Variants in ACACB observed in about 807,000 individuals in gnomAD.
ACACB encodes the protein acetyl-CoA carboxylase 2.
ACACB carries 209 observed loss-of-function variants against 278.8 expected under a neutral mutation model. The observed-to-expected ratio is 0.75, with a 90% confidence interval of 0.67 to 0.84. The LOEUF (loss-of-function observed/expected upper bound fraction) is 0.84. Among genes scored for constraint, ACACB ranks in the 40% least tolerant of loss-of-function variants. The probability of loss-of-function intolerance (pLI) is 0.00; values close to 1 mark genes in which losing one functional copy is unlikely to be tolerated. For synonymous variants in ACACB, 1,174 were observed against 1,285.6 expected (o/e 0.91, Z 1.86); for missense variants, 2,850 against 3,269.0 (o/e 0.87, Z 3.13).
intron 4 of ACACB, among the ~76,000 whole-genome samples, chr12:109,170,296 T>A (rs2044068201): frequency 6.6e-6 from 1 of 152,058 alleles, no homozygotes; most frequent in Non-Finnish European, 1.5e-5. Context: ...AACTCCTGAC[T>A]TCAGGTGATC....
chr12:109,166,981 G>T lies in ACACB; in HGVS notation c.774G>T (p.Arg258=). Residue 258 remains arginine (R), a synonymous_variant, in exon 3 of 53, where the codon CGG becomes CGT. Coordinates refer to ENST00000338432, the MANE Select transcript of ACACB (RefSeq NM_001093.4). ...AEFVTRFGGD[R]VIEKVLIANN... ...TTGTCACACGCTTTGGGGGGGATCG[G>T]GTCATCGAGAAGGTACAGATGGGTC... 6.2e-7 allele frequency: 1 copy of T among 1,614,040 alleles called. No individual in the cohort carries two copies. Among genetic ancestry groups the T allele is most frequent in the Non-Finnish European group, 8.5e-7 (1 of 1,180,008 alleles).
chr12:109,209,080 T>A (rs2045602870), intron 20 of ACACB, 85 bp from the exon 21 acceptor site: 1 of 1,436,034 alleles, frequency 7.0e-7, no homozygotes, highest in Non-Finnish European at 9.4e-7. Flanking sequence ...TCAGGATGGG[T>A]TGAGCTGTGT....
intron 37 of ACACB, among the ~76,000 whole-genome samples, chr12:109,243,877 T>TTATATA (rs145125502): frequency 6.8e-6 from 1 of 146,910 alleles, no homozygotes; most frequent in Non-Finnish European, 1.5e-5. Flanking sequence ...TGGAATGACA[T>TTATATA]TATATATATA....
intron 18 of ACACB, 46 bp downstream of exon 18, chr12:109,199,598 C>T (rs750995911): frequency 7.3e-7 from 1 of 1,378,298 alleles, no homozygotes; most frequent in Non-Finnish European, 9.5e-7. Context: ...CTCAAACTCC[C>T]ACTCTTCTGG....
intron 42 of ACACB, 199 bp downstream of exon 42, chr12:109,252,355 G>T (rs530948410): frequency 2.3e-6 from 1 of 444,158 alleles, no homozygotes; most frequent in Admixed American, 3.9e-5. Context: ...AATTCTGGTC[G>T]ATCTAACTCC....
At chr12:109,222,372 A>G (rs2046194675) in intron 24 of ACACB, 135 bp from the exon 25 acceptor site, 1 of 718,908 alleles carries the variant, frequency 1.4e-6, no homozygotes, top group Non-Finnish European at 2.4e-6. Flanking sequence ...TTTGCATAAC[A>G]GGCTGTGCTG....
rs1189190418 is a variant in ACACB at position 109,220,734 on chromosome 12, AG to A, written c.3565-1772del. Among the ~76,000 whole-genome samples, 24 of 152,260 alleles carry A rather than the reference AG, an allele frequency of 1.6e-4. No homozygotes were observed. In the East Asian group the frequency reaches 1.7e-3, roughly 11 times the overall value. ...ACCTGACTAATTTTTTTGTAGTTTT[AG>A]TAGGAAACAGGGTTTTGCCATGTTG... is the stretch of plus-strand genomic sequence containing the variant. On this transcript the variant is annotated intron_variant, in intron 24 of 52. Coordinates refer to ENST00000338432, the MANE Select transcript of ACACB (RefSeq NM_001093.4).
intron 41 of ACACB, among the ~76,000 whole-genome samples, chr12:109,250,592 A>G (rs2047068042): frequency 6.6e-6 from 1 of 152,106 alleles, no homozygotes; most frequent in South Asian, 2.1e-4. Context: ...TCCCCATCCC[A>G]TCCCCATGGC....
rs777720862 is a variant in ACACB at position 109,242,619 on chromosome 12, C to A, written c.5178+27C>A. ...CAAGTCCGGCGGCTCAGACGCGGTA[C>A]CCCCTGGGTCCTCCCAGCAGACTCC... On this transcript the variant is annotated intron_variant, in intron 37 of 52. Coordinates refer to ENST00000338432, the MANE Select transcript of ACACB (RefSeq NM_001093.4). 5.0e-6 allele frequency: 8 copies of A among 1,611,588 alleles called. No individual in the cohort carries two copies. The Admixed American group carries it at 1.3e-4, about 27-fold the overall frequency.
At chr12:109,195,839 T>C (rs936687361) in intron 16 of ACACB, among the ~76,000 whole-genome samples, 1 of 152,170 alleles carries the variant, frequency 6.6e-6, no homozygotes, top group African/African-American at 2.4e-5. Context: ...CCTTATGTGG[T>C]GACTGAGAGC....
intron 41 of ACACB, 102 bp from the exon 42 acceptor site, chr12:109,251,944 A>G (rs2047106466): frequency 1.2e-6 from 1 of 837,822 alleles, no homozygotes; most frequent in Non-Finnish European, 1.8e-6. Context: ...TGGTCAAAAC[A>G]TAACTTCCAT....
At chr12:109,153,900 C>T (rs1018116558) in intron 2 of ACACB, among the ~76,000 whole-genome samples, 1 of 152,000 alleles carries the variant, frequency 6.6e-6, no homozygotes, top group Admixed American at 6.6e-5. Context: ...TGACCTCAAG[C>T]GCCTGCCTCA....
intron 1 of ACACB, among the ~76,000 whole-genome samples, chr12:109,124,991 G>A (rs1372679722): frequency 2.0e-5 from 3 of 152,192 alleles, no homozygotes; most frequent in Admixed American, 1.3e-4. Flanking sequence ...TGGCATTACA[G>A]GCATGAGCCA....
intron 1 of ACACB, among the ~76,000 whole-genome samples, chr12:109,121,314 T>G (rs867013564): frequency 5.3e-5 from 8 of 151,932 alleles, no homozygotes; most frequent in African/African-American, 1.9e-4. Flanking sequence ...TATACTGGAG[T>G]TACAAAAGAA....
intron 6 of ACACB, 135 bp downstream of exon 6, chr12:109,172,491 G>A (rs995000813): frequency 5.4e-6 from 4 of 743,152 alleles, no homozygotes; most frequent in Non-Finnish European, 8.9e-6. Flanking sequence ...CTGTCGTGAG[G>A]AGTGAGTGAG....
In ACACB at chr12:109,132,310, G is replaced by A. The variant is rs138015527; in HGVS notation, c.-9-7087G>A. ...CTCCCAAGTAGCTGGGATTACAGGC[G>A]TGCACCACCACGCCCAGCTAATTTT... On this transcript the variant is annotated intron_variant, in intron 1 of 52. Coordinates refer to ENST00000338432, the MANE Select transcript of ACACB (RefSeq NM_001093.4). Among the ~76,000 whole-genome samples, 412 of 152,150 alleles carry A rather than the reference G, an allele frequency of 2.7e-3. 1 individual carries two copies. Among genetic ancestry groups the A allele is most frequent in the Non-Finnish European group, 3.9e-3 (268 of 67,986 alleles).
chr12:109,159,484 CTG>C (rs1440030600), intron 2 of ACACB, among the ~76,000 whole-genome samples: 1 of 152,174 alleles, frequency 6.6e-6, no homozygotes, highest in Admixed American at 6.5e-5. Flanking sequence ...CAGGGATAAA[CTG>C]TTAATTCCAT....
chr12:109,213,626 G>A (rs2045910190), intron 22 of ACACB, among the ~76,000 whole-genome samples: 3 of 151,614 alleles, frequency 2.0e-5, no homozygotes, highest in Non-Finnish European at 4.4e-5. Flanking sequence ...ATGGAGTTTC[G>A]CTCTGTCGGC....
rs1486454889 is a variant in ACACB, at chr12:109,139,967, A to C, written c.562A>C (p.Thr188Pro). The change falls in exon 2 of 53, where the codon ACC becomes CCC. Residue 188 changes from threonine (T) to proline (P), a missense_variant. Thr to Pro is a conservative substitution (Grantham distance 38). Transcript: ENST00000338432. The part of the protein sequence containing the change: ...DSVAGSSRES[T>P]RKGSRASLGA... ...TGTTGCTGGCTCATCTCGTGAGTCT[A>C]CCCGGAAGGGCAGCCGGGCCAGCTT... The C allele has an allele frequency of 1.2e-6, 2 of 1,613,936 alleles. No individual in the cohort carries two copies. The highest frequency in any genetic ancestry group is 4.5e-5 in the East Asian group (2 of 44,860).
Sources: gnomAD v4.1 joint callset for allele counts (sites outside exome capture counted in the v4.1 genomes callset) on GRCh38, gnomAD v4.1.1 for gene constraint, MANE v1.5 for transcripts, NCBI Gene and HGNC (gene_info 2026-07-23, HGNC 2026-07-21) for gene names.